The following TENM3 variants were observed in gnomAD, a reference collection of about 807,000 sequenced individuals.
TENM3 encodes the protein teneurin transmembrane protein 3, also known as teneurin-3.
In TENM3, 63 loss-of-function variants were observed where a neutral mutation model predicts 255.1. The observed-to-expected ratio is 0.25, with a 90% CI of 0.20 to 0.30. TENM3 has a LOEUF of 0.30. TENM3 is among the 10% of genes least tolerant of loss of function. TENM3 has a pLI of 1.00. For synonymous variants in TENM3, 1,306 were observed against 1,322.3 expected (o/e 0.99, Z 0.27); for missense variants, 2,929 against 3,461.1 (o/e 0.85, Z 3.86).
intron 3 of TENM3, among the ~76,000 whole-genome samples, chr4:182,374,926 C>A (rs1054957171): frequency 6.6e-6 from 1 of 152,104 alleles, no homozygotes; most frequent in African/African-American, 2.4e-5. Context: ...CCTTGCAATT[C>A]CTGTGAAGAC....
chr4:181,923,622 A>C, the TENM3 span, among the ~76,000 whole-genome samples: 1 of 152,218 alleles, frequency 6.6e-6, no homozygotes. Context: ...GTAAACAAAC[A>C]TATTAAACTA....
the TENM3 span, among the ~76,000 whole-genome samples, chr4:181,628,526 G>A: frequency 1.3e-5 from 2 of 152,146 alleles, no homozygotes; most frequent in East Asian, 1.9e-4. Context: ...TGTAAGGAAG[G>A]GATCCAGTTT....
chr4:182,683,450 A>C (rs1756327374), intron 11 of TENM3, among the ~76,000 whole-genome samples: 2 of 152,190 alleles, frequency 1.3e-5, no homozygotes, highest in South Asian at 4.1e-4. Flanking sequence ...CAGATTAGGG[A>C]TGCTCCAGGG....
the TENM3 span, among the ~76,000 whole-genome samples, chr4:181,457,042 T>C: frequency 2.0e-5 from 3 of 151,874 alleles, no homozygotes; most frequent in African/African-American, 7.2e-5. Context: ...AGAGGAAGTC[T>C]CTAAAAGTAT....
the TENM3 span, chr4:181,874,372 TC>T: frequency 1.3e-5 from 2 of 152,250 alleles, no homozygotes; most frequent in Non-Finnish European, 2.9e-5. Flanking sequence ...TTCCCTTTTT[TC>T]TTCTGTCGAC....
At chr4:182,268,012 T>G (rs1759352325) in intron 1 of TENM3, among the ~76,000 whole-genome samples, 1 of 152,198 alleles carries the variant, frequency 6.6e-6, no homozygotes, top group Non-Finnish European at 1.5e-5. Flanking sequence ...ATGGGTAATG[T>G]AGAAATCTGA....
intron 1 of TENM3, among the ~76,000 whole-genome samples, chr4:182,258,068 G>A (rs1758540285): frequency 1.3e-5 from 2 of 151,994 alleles, no homozygotes; most frequent in Non-Finnish European, 2.9e-5. Flanking sequence ...GTGTATATAT[G>A]TAGATATATA....
At chr4:182,752,833 C>T (rs1762466521) in intron 20 of TENM3, among the ~76,000 whole-genome samples, 1 of 151,954 alleles carries the variant, frequency 6.6e-6, no homozygotes, top group African/African-American at 2.4e-5. Flanking sequence ...ATTTATAGAC[C>T]ACAACATTAT....
the TENM3 span, among the ~76,000 whole-genome samples, chr4:182,060,161 C>T: frequency 1.3e-5 from 2 of 152,088 alleles, no homozygotes; most frequent in Non-Finnish European, 2.9e-5. Context: ...CGCTTAAGTC[C>T]AGGAGTTTGA....
At chr4:181,519,114 A>C in the TENM3 span, among the ~76,000 whole-genome samples, 1 of 152,198 alleles carries the variant, frequency 6.6e-6, no homozygotes, top group Non-Finnish European at 1.5e-5. Context: ...AGCTATTTAG[A>C]CTGGAAATCT....
the TENM3 span, among the ~76,000 whole-genome samples, chr4:181,548,253 C>A: frequency 6.6e-6 from 1 of 152,142 alleles, no homozygotes; most frequent in Non-Finnish European, 1.5e-5. Context: ...GTCAGTGTGG[C>A]GATCCCTCAG....
chr4:181,754,696 CTG>C, the TENM3 span, among the ~76,000 whole-genome samples: 1 of 152,106 alleles, frequency 6.6e-6, no homozygotes, highest in African/African-American at 2.4e-5. Context: ...GAAAGGTAGG[CTG>C]AACCATGTTC....
At chr4:181,698,648 G>C in the TENM3 span, among the ~76,000 whole-genome samples, 1 of 152,174 alleles carries the variant, frequency 6.6e-6, no homozygotes, top group Non-Finnish European at 1.5e-5. Context: ...AGCAGACCAA[G>C]ATTCTAACCT....
At chr4:182,567,842 C>CAAAAAAAAAAAAAAAAA (rs199801857) in intron 3 of TENM3, among the ~76,000 whole-genome samples, 1 of 127,276 alleles carries the variant, frequency 7.9e-6, no homozygotes, top group Non-Finnish European at 1.6e-5. Context: ...GAATGTAATC[C>CAAAAAAAAAAAAAAAAA]AAAAAAAAAA....
the TENM3 span, among the ~76,000 whole-genome samples, chr4:182,090,539 A>G: frequency 3.3e-3 from 501 of 152,312 alleles, 5 homozygotes; most frequent in African/African-American, 0.011. Context: ...AAACCTGAGA[A>G]AGCCATACAG....
the TENM3 span, among the ~76,000 whole-genome samples, chr4:181,870,396 G>A: frequency 1 from 152,167 of 152,252 alleles, 76,041 homozygotes; most frequent in Non-Finnish European, 1. Context: ...AGTATTTTCG[G>A]GTCTTTGTCC....
intron 6 of TENM3, among the ~76,000 whole-genome samples, chr4:182,666,079 T>C (rs753874086): frequency 3.3e-5 from 5 of 152,108 alleles, no homozygotes; most frequent in Non-Finnish European, 5.9e-5. Context: ...CTGGTGGAAA[T>C]AGCAAGAAAA....
the TENM3 span, among the ~76,000 whole-genome samples, chr4:181,954,642 T>C: frequency 6.6e-6 from 1 of 152,198 alleles, no homozygotes; most frequent in Admixed American, 6.5e-5. Flanking sequence ...GCTTCGGTTA[T>C]ATATTCTGAT....
chr4:182,793,759 C>T lies in TENM3; in HGVS notation c.7087C>T (p.Arg2363Trp), dbSNP rs757494710. ...GERDYDILAG[R>W]WTTPDIEIWK... ...AAGAGATTATGACATTTTGGCAGGA[C>T]GGTGGACAACACCTGACATAGAAAT... Residue 2363 changes from arginine to tryptophan, a missense_variant, in exon 26 of 28, where the codon CGG (arginine) becomes TGG (tryptophan). This residue lies in a region of TENM3 where 256 missense variants were observed against 389.3 expected (regional missense o/e 0.66). Transcript: ENST00000511685. The surrounding 1 kb of genome is among the most constrained non-coding windows in gnomAD (Gnocchi z 5.7). 3.1e-6 allele frequency: 5 copies of T among 1,613,894 alleles called. No individual in the cohort carries two copies. Among genetic ancestry groups the T allele is most frequent in the South Asian group, 1.1e-5 (1 of 91,072 alleles).
Sources: allele counts gnomAD v4.1 joint callset (sites outside exome capture counted in the v4.1 genomes callset), GRCh38; gene constraint gnomAD v4.1.1; regional missense constraint gnomAD v4.1.1; non-coding constraint Gnocchi (gnomAD v3.1); transcripts MANE v1.5; gene names NCBI Gene and HGNC (gene_info 2026-07-23, HGNC 2026-07-21).